Variants in ANKRD36C observed in about 807,000 individuals in gnomAD.
ANKRD36C encodes the protein ankyrin repeat domain-containing protein 36C.
In ANKRD36C, 61 loss-of-function variants were observed where a neutral mutation model predicts 276.4. That is an observed-to-expected ratio of 0.22 (90% CI 0.18 to 0.27). ANKRD36C has a LOEUF of 0.27. Ranked by LOEUF, ANKRD36C falls within the 10% of genes least tolerant of loss-of-function variation. The pLI, the probability that ANKRD36C is intolerant of heterozygous loss-of-function variation, is 1.00. For missense variants in ANKRD36C, 1,447 were observed against 2,032.3 expected (o/e 0.71, Z 5.54); for synonymous variants, 483 against 680.1 (o/e 0.71, Z 4.51).
intron 63 of ANKRD36C, 98 bp downstream of exon 83, chr2:95,855,168 T>C: frequency 6.9e-7 from 1 of 1,439,156 alleles, no homozygotes. Flanking sequence ...TGTATCCTTT[T>C]TTATATTCAA....
intron 6 of ANKRD36C, among the ~76,000 whole-genome samples, chr2:95,976,279 G>A (rs1373933040): frequency 6.6e-6 from 1 of 152,154 alleles, no homozygotes; most frequent in African/African-American, 2.4e-5. Context: ...CCATTACTGG[G>A]TATACACCCA....
At chr2:95,917,221 C>G (rs1228797059) in intron 36 of ANKRD36C, among the ~76,000 whole-genome samples, 2 of 151,594 alleles carry the variant, frequency 1.3e-5, no homozygotes, top group African/African-American at 4.8e-5. Flanking sequence ...TATCCCAATT[C>G]TAGCATTGTT....
intron 24 of ANKRD36C, 137 bp from the exon 25 acceptor site, chr2:95,929,404 T>G: frequency 1.6e-6 from 1 of 637,744 alleles, no homozygotes; most frequent in Non-Finnish European, 2.7e-6. Flanking sequence ...ATTTTATACT[T>G]TGTTTCTTGG....
intron 24 of ANKRD36C, among the ~76,000 whole-genome samples, chr2:95,931,849 T>TAAAC (rs906940562): frequency 2.2e-4 from 25 of 111,630 alleles, no homozygotes; most frequent in Admixed American, 3.8e-4. Flanking sequence ...TACACACACA[T>TAAAC]ACACACACAC....
rs568406271 is a variant in ANKRD36C at position 95,968,006 on chromosome 2, C to T, written c.800-5459G>A. Among the ~76,000 whole-genome samples the T allele has an allele frequency of 5.9e-5, 9 of 152,216 alleles. No individual in the cohort carries two copies. In the East Asian group the frequency reaches 9.7e-4, roughly 16 times the overall value. On this transcript the variant is annotated intron_variant, in intron 6 of 66. Coordinates refer to ENST00000456556, the Ensembl canonical transcript of ANKRD36C. The stretch of plus-strand genomic sequence containing the variant: ...ACTCGGGAGGCCGAAACATGAGAAT[C>T]GCTTGAACCCAGGAGGCAGAGGTTG...
In ANKRD36C at chr2:95,986,633, A is replaced by G. The variant is rs1679031359; in HGVS notation, c.486+118T>C. 8 of 1,199,518 alleles carry G rather than the reference A, an allele frequency of 6.7e-6. No individual in the cohort carries two copies. The South Asian group carries it at 1.2e-4, about 19-fold the overall frequency. The allele number at this position is 1,199,518 out of a possible 1,614,324, so 74.3% of individuals were successfully genotyped here. A position where few individuals can be genotyped will look rare whatever the true frequency, so the allele number is the denominator to read the frequency against. ...ATCTTAGACAGTTAAGGCATTTCAA[A>G]ATATTTTCATTCAAGGAATGTTTGA... On this transcript the variant is annotated intron_variant, in intron 3 of 66. Transcript: ENST00000456556.
chr2:95,889,909 G>T (rs1472766577), intron 47 of ANKRD36C, 38 bp from the exon 68 acceptor site: 6 of 1,598,504 alleles, frequency 3.8e-6, no homozygotes, highest in Admixed American at 2.0e-5. Flanking sequence ...AATAAATAAA[G>T]TATGTTTCAT....
chr2:95,977,636 G>A (rs1678840795), intron 6 of ANKRD36C, among the ~76,000 whole-genome samples: 2 of 151,948 alleles, frequency 1.3e-5, no homozygotes, highest in South Asian at 4.1e-4. Context: ...CTTGTATTCA[G>A]AATACAATAT....
chr2:95,918,587 C>T (rs553486155), intron 34 of ANKRD36C, among the ~76,000 whole-genome samples: 2 of 151,792 alleles, frequency 1.3e-5, no homozygotes, highest in South Asian at 4.1e-4. Flanking sequence ...TATCTGTTTG[C>T]TGATACCTAG....
chr2:95,876,214 C>G (rs1376785326), intron 59 of ANKRD36C, among the ~76,000 whole-genome samples: 1 of 152,132 alleles, frequency 6.6e-6, no homozygotes, highest in Non-Finnish European at 1.5e-5. Flanking sequence ...ATATCAGGAA[C>G]TTTTTAACTC....
chr2:95,902,238 A>C (rs1343725720), intron 42 of ANKRD36C, among the ~76,000 whole-genome samples: 2 of 149,276 alleles, frequency 1.3e-5, no homozygotes, highest in Non-Finnish European at 3.0e-5. Flanking sequence ...AGGAGTAATG[A>C]GTCAGTGTGG....
intron 58 of ANKRD36C, among the ~76,000 whole-genome samples, chr2:95,878,821 G>A (rs1330305254): frequency 1.3e-5 from 2 of 152,122 alleles, no homozygotes; most frequent in African/African-American, 4.8e-5. Flanking sequence ...AAATGCTGGT[G>A]AGGATGTGGA....
At chr2:95,960,126 C>A (rs527614202) in intron 10 of ANKRD36C, among the ~76,000 whole-genome samples, 1 of 152,120 alleles carries the variant, frequency 6.6e-6, no homozygotes, top group Admixed American at 6.6e-5. Flanking sequence ...TGATCAGGCG[C>A]CTATAATTTC....
At chr2:95,955,147 A>C (rs1215076467) in intron 13 of ANKRD36C, among the ~76,000 whole-genome samples, 2 of 152,266 alleles carry the variant, frequency 1.3e-5, no homozygotes, top group African/African-American at 4.8e-5. Flanking sequence ...GTCAGAAAAA[A>C]AGAGACATCC....
At chr2:95,946,773 T>C (rs1457504064) in intron 17 of ANKRD36C, among the ~76,000 whole-genome samples, 2 of 151,770 alleles carry the variant, frequency 1.3e-5, no homozygotes, top group East Asian at 1.9e-4. Flanking sequence ...ATGGGTGAAA[T>C]TGGAAATCAT....
chr2:95,902,270 T>C lies in ANKRD36C; in HGVS notation c.2654-2934A>G, dbSNP rs527439080. On this transcript the variant is annotated intron_variant, in intron 42 of 66. Coordinates refer to ENST00000456556, the Ensembl canonical transcript of ANKRD36C. ...GTGGTGGTGTATTCCAATTATACCA[T>C]TGTTTCCTGCTTCCAGTAGTTCCTG... 7.2e-4 allele frequency among the ~76,000 whole-genome samples: 108 copies of C among 149,062 alleles called. 3 individuals are homozygous for C. The highest frequency in any genetic ancestry group is 2.3e-3 in the African/African-American group (92 of 40,608).
rs1432416002 is a variant in ANKRD36C at position 95,876,441 on chromosome 2, G to A, written c.3538C>T (p.Gln1180Ter). The change falls in exon 59 of 67, where the codon CAG (glutamine) becomes TAG (stop). Residue 1180 changes from glutamine (Q) to a stop codon, truncating the protein, a stop_gained and splice_region_variant. Coordinates refer to ENST00000456556, the Ensembl canonical transcript of ANKRD36C. LOFTEE classifies it high-confidence loss of function. ...TTTGATTTTAAATTTTTACATACCT[G>A]TGGCTGGTTATTTTCATATTCTTCA... 6.3e-7 allele frequency: 1 copy of A among 1,584,256 alleles called. No individual in the cohort carries two copies.
rs1679042175 is a variant in ANKRD36C, at chr2:95,987,034, A to C, written c.312+58T>G. ...TATTCCAATGAGATAAATTCATTTTATCCTATGTACTTCAACCAAATCCAT... is the reference window on the plus strand; with the variant it reads ...TATTCCAATGAGATAAATTCATTTTCTCCTATGTACTTCAACCAAATCCAT... On this transcript the variant is annotated intron_variant, in intron 2 of 66. Coordinates refer to ENST00000456556, the Ensembl canonical transcript of ANKRD36C. The C allele has an allele frequency of 4.8e-6, 7 of 1,461,152 alleles. 1 individual carries two copies. The East Asian group carries it at 7.3e-5, about 15-fold the overall frequency. 90.5% of individuals were successfully genotyped at this position (1,461,152 alleles called of 1,614,324 possible).
At chr2:95,960,246 T>A (rs1425415273) in intron 10 of ANKRD36C, among the ~76,000 whole-genome samples, 3 of 152,020 alleles carry the variant, frequency 2.0e-5, no homozygotes, top group Non-Finnish European at 4.4e-5. Flanking sequence ...TCTCCAATGG[T>A]TCTTCTTCCC....
Sources: allele counts gnomAD v4.1 joint callset (sites outside exome capture counted in the v4.1 genomes callset), GRCh38; gene constraint gnomAD v4.1.1; transcripts MANE v1.5; gene names NCBI Gene and HGNC (gene_info 2026-07-23, HGNC 2026-07-21).